Variants in TTBK2 observed in about 807,000 individuals in gnomAD.
TTBK2 encodes tau tubulin kinase 2.
Under a neutral mutation model 110.8 loss-of-function variants are expected in TTBK2, and 28 were observed. That is an observed-to-expected ratio of 0.25 (90% CI 0.19 to 0.35). The LOEUF (loss-of-function observed/expected upper bound fraction) is 0.35, where lower values mean the gene tolerates loss of function less well. Among genes scored for constraint, TTBK2 ranks in the 10% least tolerant of loss-of-function variants. The probability of loss-of-function intolerance (pLI) is 1.00; values close to 1 mark genes in which losing one functional copy is unlikely to be tolerated. For synonymous variants in TTBK2, 532 were observed against 527.3 expected (o/e 1.01, Z -0.12); for missense variants, 1,369 against 1,500.3 (o/e 0.91, Z 1.45).
rs1179981266 is a variant in TTBK2, at chr15:42,752,148, C to G, written c.3098G>C (p.Ser1033Thr). The change falls in exon 14 of 15, where the codon AGT becomes ACT. Residue 1033 changes from serine (S) to threonine (T), a missense_variant. Transcript: ENST00000267890. Reference protein sequence around the residue: ...FSRLTVDSHLSRSAEDSFLSP... With the variant: ...FSRLTVDSHLTRSAEDSFLSP... ...CAGAAAGCTATCTTCAGCTGACCTACTCAGGTGAGAATCTACTGTCAGTCT... is the reference window on the plus strand; with the variant it reads ...CAGAAAGCTATCTTCAGCTGACCTAGTCAGGTGAGAATCTACTGTCAGTCT... 1.2e-6 allele frequency: 2 copies of G among 1,614,192 alleles called. No homozygotes were observed. The highest frequency in any genetic ancestry group is 2.2e-5 in the South Asian group (2 of 91,080).
At chr15:42,871,616 C>T in intron 3 of TTBK2, 1 of 984,416 alleles carries the variant, frequency 1.0e-6, no homozygotes, top group Non-Finnish European at 1.2e-6. Flanking sequence ...GCCTCTACAC[C>T]ACTGAGTTGA....
At chr15:42,864,992 G>A (rs1894309387) in intron 3 of TTBK2, among the ~76,000 whole-genome samples, 1 of 152,042 alleles carries the variant, frequency 6.6e-6, no homozygotes. Flanking sequence ...AAGGACAGGA[G>A]GGAGAAATTA....
intron 3 of TTBK2, among the ~76,000 whole-genome samples, chr15:42,858,576 G>C (rs1409343337): frequency 2.6e-5 from 4 of 152,178 alleles, no homozygotes; most frequent in Non-Finnish European, 5.9e-5. Flanking sequence ...CACAAGTGAG[G>C]AACATGGAAG....
At chr15:42,786,400 A>G (rs892356442) in intron 10 of TTBK2, among the ~76,000 whole-genome samples, 3 of 152,238 alleles carry the variant, frequency 2.0e-5, no homozygotes, top group African/African-American at 7.2e-5. Context: ...TTATTGAAAG[A>G]ATTCCCTCTA....
rs745445207 is a variant in TTBK2 at position 42,872,803 on chromosome 15, T to C, written c.70-45A>G. ...ACACACACTCTAAATTACTAGAAGA[T>C]TCTAACTTGAAAGCAATTGATCTCT... On this transcript the variant is annotated intron_variant, in intron 2 of 14. Transcript: ENST00000267890. 3.7e-6 allele frequency: 6 copies of C among 1,607,926 alleles called. No individual in the cohort carries two copies. In the African/African-American group the frequency reaches 8.0e-5, roughly 21 times the overall value.
chr15:42,858,584 A>G (rs1434042324), intron 3 of TTBK2, among the ~76,000 whole-genome samples: 3 of 152,236 alleles, frequency 2.0e-5, no homozygotes, highest in Non-Finnish European at 4.4e-5. Flanking sequence ...AGGAACATGG[A>G]AGCTGCCATG....
At chr15:42,870,433 C>T (rs534100737) in intron 3 of TTBK2, among the ~76,000 whole-genome samples, 5 of 151,156 alleles carry the variant, frequency 3.3e-5, no homozygotes, top group African/African-American at 7.3e-5. Context: ...GAAAAGACTA[C>T]GAGAAAGAAA....
At chr15:42,795,445 A>T (rs1890894890) in intron 9 of TTBK2, among the ~76,000 whole-genome samples, 2 of 152,126 alleles carry the variant, frequency 1.3e-5, no homozygotes, top group African/African-American at 4.8e-5. Context: ...GGTCTCATAA[A>T]AGGCCTCTAT....
At chr15:42,833,877 A>G (rs1304972848) in intron 4 of TTBK2, among the ~76,000 whole-genome samples, 1 of 152,004 alleles carries the variant, frequency 6.6e-6, no homozygotes, top group Admixed American at 6.6e-5. Flanking sequence ...GCGTGTTGGC[A>G]GCGCGTGCCT....
intron 2 of TTBK2, among the ~76,000 whole-genome samples, chr15:42,875,514 A>C (rs1166304364): frequency 6.6e-6 from 1 of 151,964 alleles, no homozygotes; most frequent in African/African-American, 2.4e-5. Flanking sequence ...TCATCAACAG[A>C]ATAGGGCAAA....
Position 42,780,189 on chromosome 15 carries a change from CTT to C in TTBK2, c.1198-2949_1198-2948del, listed in dbSNP as rs892670301. 5.6e-3 allele frequency among the ~76,000 whole-genome samples: 567 copies of C among 100,786 alleles called. 2 individuals carry two copies. Among genetic ancestry groups the C allele is most frequent in the Middle Eastern group, 0.036 (7 of 192 alleles). The allele number at this position is 100,786 out of a possible 152,430, so 66.1% of individuals were successfully genotyped here. A position where few individuals can be genotyped will look rare whatever the true frequency, so the allele number is the denominator to read the frequency against. On this transcript the variant is annotated intron_variant, in intron 11 of 14. Coordinates refer to ENST00000267890, the MANE Select transcript of TTBK2 (RefSeq NM_173500.4). ...GGTACGTGCCAACATGCCCGGCTAA[CTT>C]TTTTTTTTTTTTTTTTTTTTTGGTA...
chr15:42,795,745 A>T (rs1027490664), intron 9 of TTBK2, among the ~76,000 whole-genome samples: 2 of 150,790 alleles, frequency 1.3e-5, no homozygotes, highest in Non-Finnish European at 3.0e-5. Flanking sequence ...CAGGAGGCTG[A>T]GGCATGAGAA....
At chr15:42,791,969 C>T (rs922059603) in intron 10 of TTBK2, among the ~76,000 whole-genome samples, 4 of 152,112 alleles carry the variant, frequency 2.6e-5, no homozygotes, top group African/African-American at 4.8e-5. Context: ...TGGTGAAACC[C>T]CCTCTCTACT....
chr15:42,905,948 G>T (rs1254323388), intron 1 of TTBK2, among the ~76,000 whole-genome samples: 5 of 152,174 alleles, frequency 3.3e-5, no homozygotes, highest in Non-Finnish European at 7.3e-5. Context: ...CAGCACTTTG[G>T]GAGGCCAACA....
At chr15:42,778,384 G>T (rs1252725002) in intron 11 of TTBK2, among the ~76,000 whole-genome samples, 1 of 151,814 alleles carries the variant, frequency 6.6e-6, no homozygotes, top group Admixed American at 6.6e-5. Context: ...CAGCAAGATA[G>T]GCCGGGCGTG....
At chr15:42,810,872 G>C in intron 8 of TTBK2, 133 bp from the exon 9 acceptor site, 1 of 1,018,464 alleles carries the variant, frequency 9.8e-7, no homozygotes, top group Non-Finnish European at 1.5e-6. Context: ...AGCAAGAACT[G>C]AGCTCTTACT....
In TTBK2 at chr15:42,745,333, C is replaced by T. The variant is rs1328390878; in HGVS notation, c.*462G>A. On this transcript the variant is annotated 3_prime_UTR_variant, in exon 15 of 15. Transcript: ENST00000267890. ...TACATGAATACTGGCTCCCTGGCAA[C>T]AGACTTCTTATATAATCTAATATCT... 5.3e-6 allele frequency: 1 copy of T among 189,728 alleles called. No homozygotes were observed. The highest frequency in any genetic ancestry group is 2.4e-5 in the African/African-American group (1 of 42,080). The allele number at this position is 189,728 out of a possible 1,614,324, so 11.8% of individuals were successfully genotyped here.
chr15:42,772,669 G>C (rs1029696698), intron 13 of TTBK2, among the ~76,000 whole-genome samples: 1 of 152,060 alleles, frequency 6.6e-6, no homozygotes, highest in African/African-American at 2.4e-5. Flanking sequence ...GCACTGACTG[G>C]GTACAGTGGC....
intron 13 of TTBK2, among the ~76,000 whole-genome samples, chr15:42,765,785 A>C (rs1889338393): frequency 6.6e-6 from 1 of 152,130 alleles, no homozygotes. Context: ...AAGATACTCC[A>C]TGAGAAGAGC....
Sources: gnomAD v4.1 joint callset for allele counts (sites outside exome capture counted in the v4.1 genomes callset) on GRCh38, gnomAD v4.1.1 for gene constraint, MANE v1.5 for transcripts, NCBI Gene and HGNC (gene_info 2026-07-23, HGNC 2026-07-21) for gene names.